TANGO6: variants seen among roughly 807,000 people sequenced by gnomAD.
TANGO6 encodes transport and golgi organization 6 homolog.
TANGO6 carries 90 observed loss-of-function variants against 114.2 expected under a neutral mutation model. That is an observed-to-expected ratio of 0.79 (90% CI 0.66 to 0.94). The LOEUF (loss-of-function observed/expected upper bound fraction) is 0.94, where lower values mean the gene tolerates loss of function less well. Ranked by LOEUF, TANGO6 falls within the 40% of genes least tolerant of loss-of-function variation. TANGO6 has a pLI of 0.00. For missense variants in TANGO6, 1,274 were observed against 1,315.3 expected (o/e 0.97, Z 0.49); for synonymous variants, 477 against 509.8 (o/e 0.94, Z 0.87).
intron 17 of TANGO6, among the ~76,000 whole-genome samples, chr16:69,043,987 A>G (rs1959812712): frequency 6.6e-6 from 1 of 152,212 alleles, no homozygotes; most frequent in Admixed American, 6.5e-5. Flanking sequence ...CTCATGAGGC[A>G]GTTTTTACCT....
chr16:68,880,718 T>C, intron 7 of TANGO6, 88 bp downstream of exon 7: 3 of 851,174 alleles, frequency 3.5e-6, no homozygotes, highest in Non-Finnish European at 5.1e-6. Context: ...GATGGTGGGG[T>C]CTCACCACGT....
chr16:68,882,505 A>AG (rs992587371), intron 7 of TANGO6, among the ~76,000 whole-genome samples: 1 of 151,870 alleles, frequency 6.6e-6, no homozygotes, highest in African/African-American at 2.4e-5. Flanking sequence ...TCAAAAAAAA[A>AG]AAAAGAAAAC....
At chr16:68,864,032 G>A (rs1439288962) in intron 3 of TANGO6, among the ~76,000 whole-genome samples, 1 of 151,912 alleles carries the variant, frequency 6.6e-6, no homozygotes, top group African/African-American at 2.4e-5. Flanking sequence ...AAATTAGCCG[G>A]GCATGGTGAC....
chr16:68,877,630 T>C (rs1962386062), intron 5 of TANGO6, among the ~76,000 whole-genome samples: 4 of 151,780 alleles, frequency 2.6e-5, no homozygotes, highest in African/African-American at 9.7e-5. Context: ...TTTTTTGAGA[T>C]GGAGTCTCGC....
Position 68,909,301 on chromosome 16 carries a change from A to G in TANGO6, c.1891A>G (p.Thr631Ala), listed in dbSNP as rs369112414. The change falls in exon 11 of 18, where the codon ACT becomes GCT. Residue 631 changes from threonine (T) to alanine (A), a missense_variant. Transcript: ENST00000261778. ...CCTCTTGGAATTAGAGCAACATCAG[A>G]CTCTTCTTGTGGAAGGCCAAGAGCG... ...KSLLELEQHQ[T>A]LLVEGQERKL... 5 of 1,610,558 alleles carry G rather than the reference A, an allele frequency of 3.1e-6. No individual in the cohort carries two copies. The African/African-American group carries it at 4.0e-5, about 13-fold the overall frequency.
intron 15 of TANGO6, among the ~76,000 whole-genome samples, chr16:68,978,345 C>T (rs1460854133): frequency 6.6e-6 from 1 of 152,188 alleles, no homozygotes; most frequent in Non-Finnish European, 1.5e-5. Flanking sequence ...CCTTACTCCT[C>T]CTTACATAGT....
At chr16:69,022,177 C>T (rs1379494219) in intron 15 of TANGO6, among the ~76,000 whole-genome samples, 1 of 151,916 alleles carries the variant, frequency 6.6e-6, no homozygotes, top group Non-Finnish European at 1.5e-5. Flanking sequence ...TGAGCCACCG[C>T]GCCTGGCCGT....
rs1049890314 is a variant in TANGO6, at chr16:68,927,913, A to C, written c.2473A>C (p.Thr825Pro). 1 of 1,613,932 alleles carries C rather than the reference A, an allele frequency of 6.2e-7. No individual in the cohort carries two copies. The highest frequency in any genetic ancestry group is 8.5e-7 in the Non-Finnish European group (1 of 1,179,852). The change falls in exon 13 of 18, where the codon ACT becomes CCT. Residue 825 changes from threonine (T) to proline (P), a missense_variant. By Grantham distance (38) the Thr-to-Pro change is conservative (BLOSUM62 -1). Coordinates refer to ENST00000261778, the MANE Select transcript of TANGO6 (RefSeq NM_024562.2). ...IIPQGVNEPS[T>P]TTSQKSGSVT... ...TCCTCAAGGAGTCAATGAGCCCAGC[A>C]CTACTACAAGTCAGAAATCTGGAAG... is the stretch of plus-strand genomic sequence containing the variant.
At chr16:68,925,945 C>T (rs1567541431) in intron 12 of TANGO6, among the ~76,000 whole-genome samples, 1 of 148,228 alleles carries the variant, frequency 6.7e-6, no homozygotes, top group African/African-American at 2.5e-5. Flanking sequence ...CATTTAAAGC[C>T]TTTGCTCCTT....
chr16:69,007,492 T>C (rs1045763248), intron 15 of TANGO6, among the ~76,000 whole-genome samples: 1 of 151,970 alleles, frequency 6.6e-6, no homozygotes, highest in African/African-American at 2.4e-5. Flanking sequence ...ATGATCTCGA[T>C]CTGACCTCAT....
intron 4 of TANGO6, 154 bp downstream of exon 4, chr16:68,867,374 T>A: frequency 1.1e-6 from 1 of 889,542 alleles, no homozygotes; most frequent in Non-Finnish European, 1.7e-6. Context: ...TAGAGGCCGT[T>A]AATGAGCTTC....
chr16:68,875,119 C>T (rs775598778), intron 4 of TANGO6, 35 bp from the exon 5 acceptor site: 11 of 1,586,796 alleles, frequency 6.9e-6, no homozygotes, highest in South Asian at 5.7e-5. Flanking sequence ...TGGGGAATTG[C>T]TGTGAGCTGC....
intron 15 of TANGO6, among the ~76,000 whole-genome samples, chr16:68,998,564 T>C (rs1385584263): frequency 1.3e-5 from 2 of 151,896 alleles, no homozygotes; most frequent in Non-Finnish European, 1.5e-5. Flanking sequence ...ACCCTGTCTC[T>C]ACTAAAAATA....
chr16:68,890,148 G>A (rs966535234), intron 7 of TANGO6, among the ~76,000 whole-genome samples: 1 of 152,142 alleles, frequency 6.6e-6, no homozygotes, highest in East Asian at 1.9e-4. Flanking sequence ...TTCAGTGTTA[G>A]GATTCAGTCA....
At chr16:69,025,325 A>T (rs1328942153) in intron 16 of TANGO6, among the ~76,000 whole-genome samples, 1 of 152,166 alleles carries the variant, frequency 6.6e-6, no homozygotes, top group Non-Finnish European at 1.5e-5. Context: ...CAGAGAAGGG[A>T]GCTGGAGAGA....
In TANGO6 at chr16:68,860,378, A is replaced by G; in HGVS notation, c.589A>G (p.Thr197Ala). ...CCCCGATGCAACTCGAAGACTGTACACCAGCTGCAAGGCCCTTCTGAATGT... is the reference window on the plus strand; with the variant it reads ...CCCCGATGCAACTCGAAGACTGTACGCCAGCTGCAAGGCCCTTCTGAATGT... ...AAPDATRRLY[T>A]SCKALLNVAQ... The change falls in exon 2 of 18, where the codon ACC becomes GCC. Residue 197 changes from threonine to alanine, a missense_variant. This residue lies in a region of TANGO6 where 908 missense variants were observed against 910.2 expected (regional missense o/e 1.00). Transcript: ENST00000261778. 1.9e-6 allele frequency: 3 copies of G among 1,613,958 alleles called. No individual in the cohort carries two copies. Among genetic ancestry groups the G allele is most frequent in the South Asian group, 1.1e-5 (1 of 91,074 alleles).
chr16:68,949,156 A>G (rs933723353), intron 14 of TANGO6, among the ~76,000 whole-genome samples: 1 of 152,164 alleles, frequency 6.6e-6, no homozygotes, highest in African/African-American at 2.4e-5. Flanking sequence ...ATTGCCCTCT[A>G]GCCTGGGCAA....
intron 9 of TANGO6, among the ~76,000 whole-genome samples, chr16:68,905,551 T>TA (rs1378706862): frequency 2.0e-5 from 3 of 148,682 alleles, no homozygotes; most frequent in Non-Finnish European, 4.5e-5. Context: ...AAAAAAAAGT[T>TA]AAAAAAATAG....
At chr16:69,053,554 G>A (rs1021794840) in intron 17 of TANGO6, among the ~76,000 whole-genome samples, 1 of 152,114 alleles carries the variant, frequency 6.6e-6, no homozygotes. Flanking sequence ...TCTCCTATAA[G>A]CCTTCATCCA....
Sources: allele counts gnomAD v4.1 joint callset (sites outside exome capture counted in the v4.1 genomes callset), GRCh38; gene constraint gnomAD v4.1.1; regional missense constraint gnomAD v4.1.1; transcripts MANE v1.5; gene names NCBI Gene and HGNC (gene_info 2026-07-23, HGNC 2026-07-21).